PITPNM2: variants seen among roughly 807,000 people sequenced by gnomAD.
The protein encoded by PITPNM2 is phosphatidylinositol transfer protein membrane associated 2.
In PITPNM2, 35 loss-of-function variants were observed where a neutral mutation model predicts 132.2. The ratio of observed to expected loss-of-function variants is 0.26; its 90% CI spans 0.20 to 0.35. The LOEUF (loss-of-function observed/expected upper bound fraction) is 0.35. Among genes scored for constraint, PITPNM2 ranks in the 10% least tolerant of loss-of-function variants. The pLI, the probability that PITPNM2 is intolerant of heterozygous loss-of-function variation, is 1.00. For synonymous variants in PITPNM2, 738 were observed against 799.2 expected, an observed-to-expected ratio of 0.92 and a Z score of 1.29; for missense variants, 1,332 against 1,912.0, an observed-to-expected ratio of 0.70 and a Z score of 5.66.
Position 123,128,264 on chromosome 12 carries a change from CAAAAAAAAAAAAAAAAAAAAAAAAAAA to C in PITPNM2, c.-199-17803_-199-17777del, listed in dbSNP as rs1170397011. ...TAAACATGGCGAAACCCCATCTCTACAAAAAAAAAAAAAAAAAAAAAAAAAAAAAAAAAAAAAAAAGCGGGCTCACAC... is the reference window on the plus strand; with the variant it reads ...TAAACATGGCGAAACCCCATCTCTACAAAAAAAAAAAAAGCGGGCTCACAC... On this transcript the variant is annotated intron_variant, in intron 1 of 25. Coordinates refer to ENST00000320201, the MANE Select transcript of PITPNM2 (RefSeq NM_020845.3). Among the ~76,000 whole-genome samples, 16 of 22,752 alleles carry C rather than the reference CAAAAAAAAAAAAAAAAAAAAAAAAAAA, an allele frequency of 7.0e-4. No individual in the cohort carries two copies. In the South Asian group the frequency reaches 0.021, roughly 29 times the overall value. The allele number at this position is 22,752 out of a possible 152,430, so 14.9% of individuals were successfully genotyped here.
Position 123,000,673 on chromosome 12 carries a change from T to C in PITPNM2, c.1224+105A>G. 1 of 1,289,220 alleles carries C rather than the reference T, an allele frequency of 7.8e-7. No individual in the cohort carries two copies. The highest frequency in any genetic ancestry group is 1.1e-6 in the Non-Finnish European group (1 of 917,750). 79.9% of individuals were successfully genotyped at this position (1,289,220 alleles called of 1,614,324 possible). A position where few individuals can be genotyped will look rare whatever the true frequency, so the allele number is the denominator to read the frequency against. On this transcript the variant is annotated intron_variant, in intron 10 of 25. Transcript: ENST00000320201. This position sits in a 1 kb window ranked among gnomAD's most constrained non-coding sequence, Gnocchi z 5.4. ...ACCCAGGCAGGCGTGGAGGTGAGGC[T>C]GCCAGGCCCAGAGTTCCACCTCTGT...
At chr12:123,122,574 C>T (rs1167241279) in intron 1 of PITPNM2, among the ~76,000 whole-genome samples, 1 of 152,198 alleles carries the variant, frequency 6.6e-6, no homozygotes, top group African/African-American at 2.4e-5. Flanking sequence ...AAAACATAAC[C>T]TCCCTGAAGG....
intron 1 of PITPNM2, among the ~76,000 whole-genome samples, chr12:123,136,256 C>T (rs760792762): frequency 9.3e-5 from 14 of 151,300 alleles, no homozygotes; most frequent in African/African-American, 2.7e-4. Flanking sequence ...GAGCCGAGAT[C>T]GCACCACTGC....
At chr12:123,094,864 A>T (rs1566290464) in intron 2 of PITPNM2, among the ~76,000 whole-genome samples, 1 of 152,096 alleles carries the variant, frequency 6.6e-6, no homozygotes, top group Non-Finnish European at 1.5e-5. Flanking sequence ...CAAACATCAC[A>T]TCTACCCCCA....
intron 10 of PITPNM2, among the ~76,000 whole-genome samples, chr12:122,998,855 G>A (rs968296587): frequency 1.1e-4 from 16 of 152,178 alleles, no homozygotes; most frequent in African/African-American, 3.6e-4. Context: ...GCTCGAGCCT[G>A]TAATCCCAGC....
Position 123,000,912 on chromosome 12 carries a change from G to C in PITPNM2, c.1154-64C>G. The C allele has an allele frequency of 3.1e-6, 5 of 1,592,380 alleles. No homozygotes were observed. Among genetic ancestry groups the C allele is most frequent in the Non-Finnish European group, 4.3e-6 (5 of 1,160,870 alleles). On this transcript the variant is annotated intron_variant, in intron 9 of 25. Transcript: ENST00000320201. This position sits in a 1 kb window ranked among gnomAD's most constrained non-coding sequence, Gnocchi z 5.4. ...AGCCCAACCTGGCCGACCGGACAGA[G>C]GCTGCAACTGTGACGAGGGGAGCTT... is the stretch of plus-strand genomic sequence containing the variant.
Position 123,000,403 on chromosome 12 carries a change from G to A in PITPNM2, c.1224+375C>T, listed in dbSNP as rs774437286. The stretch of plus-strand genomic sequence containing the variant: ...CATCACTTCTGCCTAGACGACTGTC[G>A]CTTCCTCCCTTTTCGTCTTTTTATC... On this transcript the variant is annotated intron_variant, in intron 10 of 25. Coordinates refer to ENST00000320201, the MANE Select transcript of PITPNM2 (RefSeq NM_020845.3). The surrounding 1 kb of genome is among the most constrained non-coding windows in gnomAD (Gnocchi z 5.4). The A allele has an allele frequency of 2.7e-5, 19 of 702,658 alleles. No homozygotes were observed. Among genetic ancestry groups the A allele is most frequent in the Non-Finnish European group, 3.6e-5 (14 of 384,986 alleles). 43.5% of individuals were successfully genotyped at this position (702,658 alleles called of 1,614,324 possible).
intron 2 of PITPNM2, among the ~76,000 whole-genome samples, chr12:123,053,090 G>A (rs1347844656): frequency 6.6e-6 from 1 of 152,004 alleles, no homozygotes; most frequent in Non-Finnish European, 1.5e-5. Context: ...TCCCTATGTT[G>A]CAAGGGCTGG....
In PITPNM2 at chr12:122,997,527, C is replaced by T. The variant is rs374045164; in HGVS notation, c.1270G>A (p.Val424Met). 140 of 1,613,116 alleles carry T rather than the reference C, an allele frequency of 8.7e-5. 1 individual carries two copies. Among genetic ancestry groups the T allele is most frequent in the Non-Finnish European group, 2.7e-5 (32 of 1,179,836 alleles). ...PLAAPPSKIH[V>M]LLLVLHGGTI... ...CCTCCGTGCAGCACCAGTAGCAGCA[C>T]GTGGATCTTGGAGGGCGGTGCAGCC... Residue 424 changes from valine (V) to methionine (M), a missense_variant, in exon 11 of 26, where the codon GTG (valine) becomes ATG (methionine). Transcript: ENST00000320201.
intron 16 of PITPNM2, chr12:122,991,872 G>GCT (rs1469951076): frequency 7.6e-7 from 1 of 1,313,246 alleles, no homozygotes; most frequent in African/African-American, 1.5e-5. Flanking sequence ...TCCAGGACCA[G>GCT]CTCAGGGTTT....
intron 2 of PITPNM2, among the ~76,000 whole-genome samples, chr12:123,037,969 T>C (rs2040336188): frequency 6.6e-6 from 1 of 151,948 alleles, no homozygotes; most frequent in Admixed American, 6.7e-5. Flanking sequence ...TGGGATATTT[T>C]TGCGTGCAGG....
chr12:123,119,655 G>A (rs994766636), intron 1 of PITPNM2, among the ~76,000 whole-genome samples: 1 of 152,116 alleles, frequency 6.6e-6, no homozygotes, highest in Non-Finnish European at 1.5e-5. Context: ...ACCGCGCCTG[G>A]CTGAGGATGT....
At chr12:123,030,056 T>C (rs1566256823) in intron 3 of PITPNM2, among the ~76,000 whole-genome samples, 1 of 151,830 alleles carries the variant, frequency 6.6e-6, no homozygotes, top group Non-Finnish European at 1.5e-5. Flanking sequence ...ACTGCGAGGA[T>C]TCAGGGAAAG....
At chr12:123,057,653 C>T (rs1252221887) in intron 2 of PITPNM2, among the ~76,000 whole-genome samples, 1 of 152,196 alleles carries the variant, frequency 6.6e-6, no homozygotes, top group African/African-American at 2.4e-5. Context: ...CCGGCCAGAA[C>T]CTGAAGCCCC....
intron 2 of PITPNM2, chr12:123,089,158 C>G (rs768576072): frequency 6.6e-6 from 1 of 152,200 alleles, no homozygotes; most frequent in African/African-American, 2.4e-5. Context: ...CTAAAAAAAG[C>G]TTTCGGGCAC....
Position 122,992,600 on chromosome 12 carries a change from C to T in PITPNM2, c.2303G>A (p.Arg768His). ...LFHPADPSASRLEPLLERRFH... is the reference protein window; with the variant it reads ...LFHPADPSASHLEPLLERRFH... Reference sequence around the variant, plus strand: ...GCGCCGTTCCAGCAGCGGCTCCAGGCGTGAAGCTGACGGGTCCGCGGGGTG... The same window carrying T: ...GCGCCGTTCCAGCAGCGGCTCCAGGTGTGAAGCTGACGGGTCCGCGGGGTG... The change falls in exon 16 of 26, where the codon CGC becomes CAC. Residue 768 changes from arginine to histidine, a missense_variant. Physicochemically the swap from Arg to His is conservative, Grantham distance 29. This residue lies in a region of PITPNM2 where 710 missense variants were observed against 911.5 expected (regional missense o/e 0.78). Transcript: ENST00000320201. This position sits in a 1 kb window ranked among gnomAD's most constrained non-coding sequence, Gnocchi z 6.5. 2 of 1,610,274 alleles carry T rather than the reference C, an allele frequency of 1.2e-6. No individual in the cohort carries two copies. Among genetic ancestry groups the T allele is most frequent in the East Asian group, 2.2e-5 (1 of 44,682 alleles).
rs560507600 is a variant in PITPNM2, at chr12:123,007,618, T to C, written c.644-2070A>G. Among the ~76,000 whole-genome samples, 68 of 152,238 alleles carry C rather than the reference T, an allele frequency of 4.5e-4. 1 individual carries two copies. The highest frequency in any genetic ancestry group is 2.6e-4 in the Admixed American group (4 of 15,286). On this transcript the variant is annotated intron_variant, in intron 6 of 25. Transcript: ENST00000320201. ...AATCCCATCCATTCTTAAAGACCTC[T>C]CTGTGGGATGGAGTCCTGTGTCCCC...
rs897638638 is a variant in PITPNM2, at chr12:123,004,142, C to T, written c.1048+252G>A. On this transcript the variant is annotated intron_variant, in intron 8 of 25. Transcript: ENST00000320201. The surrounding 1 kb of genome is among the most constrained non-coding windows in gnomAD (Gnocchi z 4.9). The stretch of plus-strand genomic sequence containing the variant: ...TTTCAAGAGCGCAGTCCCCATCTGC[C>T]AGGCCCACAGCACATCCTGATATCG... 3.3e-5 allele frequency among the ~76,000 whole-genome samples: 5 copies of T among 152,278 alleles called. No individual in the cohort carries two copies. The highest frequency in any genetic ancestry group is 3.4e-3 in the Middle Eastern group (1 of 294).
chr12:123,144,616 G>C (rs1295691759), intron 1 of PITPNM2, among the ~76,000 whole-genome samples: 4 of 152,184 alleles, frequency 2.6e-5, no homozygotes, highest in Non-Finnish European at 4.4e-5. Context: ...ATTTTTAGTA[G>C]AGATGGGGTT....
Sources: gnomAD v4.1 joint callset for allele counts (sites outside exome capture counted in the v4.1 genomes callset) on GRCh38, gnomAD v4.1.1 for gene constraint, gnomAD v4.1.1 regional missense constraint, Gnocchi (gnomAD v3.1) non-coding constraint, MANE v1.5 for transcripts, NCBI Gene and HGNC (gene_info 2026-07-23, HGNC 2026-07-21) for gene names.